The following FBXW11 variants were observed in gnomAD, a reference collection of about 807,000 sequenced individuals.
FBXW11 encodes the protein F-box and WD repeat domain containing 11, also known as F-box/WD repeat-containing protein 11.
Under a neutral mutation model 77.6 loss-of-function variants are expected in FBXW11, and 19 were observed. The observed-to-expected ratio is 0.24, with a 90% CI of 0.17 to 0.36. FBXW11 has a LOEUF of 0.36. Ranked by LOEUF, FBXW11 falls within the 10% of genes least tolerant of loss-of-function variation. FBXW11 has a pLI of 1.00. For synonymous variants in FBXW11, 235 were observed against 249.4 expected (o/e 0.94, Z 0.54); for missense variants, 334 against 704.2 (o/e 0.47, Z 5.95).
chr5:171,970,290 G>A (rs1456209224), intron 1 of FBXW11, among the ~76,000 whole-genome samples: 1 of 152,144 alleles, frequency 6.6e-6, no homozygotes, highest in Non-Finnish European at 1.5e-5. Flanking sequence ...TGAGTTCTCA[G>A]GAGATCTGAT....
chr5:171,973,088 AAGATCAC>A (rs1764623941), intron 1 of FBXW11, among the ~76,000 whole-genome samples: 1 of 152,242 alleles, frequency 6.6e-6, no homozygotes, highest in Non-Finnish European at 1.5e-5. Context: ...GCACAGTGGA[AAGATCAC>A]AGGTTTGTTT....
intron 3 of FBXW11, among the ~76,000 whole-genome samples, chr5:171,913,858 C>T (rs1371015293): frequency 6.6e-6 from 1 of 151,306 alleles, no homozygotes; most frequent in South Asian, 2.1e-4. Flanking sequence ...CACACACACA[C>T]ACACACACAC....
At chr5:171,930,373 G>A (rs1048074361) in intron 2 of FBXW11, among the ~76,000 whole-genome samples, 2 of 152,236 alleles carry the variant, frequency 1.3e-5, no homozygotes, top group Admixed American at 1.3e-4. Context: ...AACAAGGTAA[G>A]AATGTTCCCT....
At chr5:171,939,334 TG>T (rs1180678248) in intron 2 of FBXW11, among the ~76,000 whole-genome samples, 1 of 151,556 alleles carries the variant, frequency 6.6e-6, no homozygotes, top group Non-Finnish European at 1.5e-5. Context: ...TGGAAGAGGG[TG>T]AAAACCCACC....
intron 2 of FBXW11, among the ~76,000 whole-genome samples, chr5:171,938,440 G>A (rs568571683): frequency 2.0e-5 from 3 of 152,260 alleles, no homozygotes; most frequent in East Asian, 1.9e-4. Flanking sequence ...TTAAAGAGAT[G>A]CAAATTAAAG....
chr5:171,993,259 C>A (rs1489001527), intron 1 of FBXW11, among the ~76,000 whole-genome samples: 1 of 152,038 alleles, frequency 6.6e-6, no homozygotes, highest in Non-Finnish European at 1.5e-5. Flanking sequence ...GTCTCTCTGA[C>A]TTGTTTGAAA....
chr5:171,982,745 G>A (rs753149176), intron 1 of FBXW11, among the ~76,000 whole-genome samples: 5 of 152,038 alleles, frequency 3.3e-5, no homozygotes, highest in Non-Finnish European at 7.4e-5. Flanking sequence ...ACAGTGTTTT[G>A]TTATAATGTT....
intron 6 of FBXW11, among the ~76,000 whole-genome samples, chr5:171,893,083 G>A (rs1759467022): frequency 6.6e-6 from 1 of 152,104 alleles, no homozygotes; most frequent in South Asian, 2.1e-4. Flanking sequence ...TGACTCTGAA[G>A]CAGGAATCAT....
At chr5:171,900,633 A>G (rs1250224353) in intron 4 of FBXW11, among the ~76,000 whole-genome samples, 2 of 152,198 alleles carry the variant, frequency 1.3e-5, no homozygotes, top group East Asian at 3.9e-4. Context: ...AAGGCAAAAC[A>G]CCGACTCATC....
intron 1 of FBXW11, among the ~76,000 whole-genome samples, chr5:171,989,820 T>G (rs2113547961): frequency 6.6e-6 from 1 of 152,324 alleles, no homozygotes; most frequent in African/African-American, 2.4e-5. Context: ...AATTGATGCT[T>G]GATATTATAT....
intron 13 of FBXW11, 68 bp from the exon 14 acceptor site, chr5:171,864,169 C>T (rs1757240089): frequency 6.6e-6 from 1 of 152,298 alleles, no homozygotes; most frequent in Admixed American, 6.5e-5. Flanking sequence ...AATACACACA[C>T]TCCACTCCAC....
intron 1 of FBXW11, among the ~76,000 whole-genome samples, chr5:171,984,598 T>C (rs951241217): frequency 2.6e-5 from 4 of 152,202 alleles, no homozygotes; most frequent in African/African-American, 9.6e-5. Context: ...TAGATGATCA[T>C]AATATGGTAT....
At chr5:171,872,836 T>C (rs975926806) in intron 10 of FBXW11, 36 bp downstream of exon 10, 12 of 1,515,802 alleles carry the variant, frequency 7.9e-6, no homozygotes, top group Non-Finnish European at 1.1e-5. Flanking sequence ...GTGGCAAAAA[T>C]CAGCCTGCTC....
At chr5:171,970,753 T>A (rs956394402) in intron 1 of FBXW11, among the ~76,000 whole-genome samples, 2 of 152,226 alleles carry the variant, frequency 1.3e-5, no homozygotes, top group Non-Finnish European at 2.9e-5. Flanking sequence ...GATAATAAAG[T>A]GGCACATTTT....
intron 2 of FBXW11, among the ~76,000 whole-genome samples, chr5:171,953,089 C>T (rs1763430350): frequency 6.6e-6 from 1 of 152,154 alleles, no homozygotes; most frequent in Admixed American, 6.5e-5. Flanking sequence ...CCAACCTCAG[C>T]TCCCAGAGTA....
intron 1 of FBXW11, among the ~76,000 whole-genome samples, chr5:171,980,328 A>C (rs1050338293): frequency 3.3e-5 from 5 of 152,222 alleles, no homozygotes; most frequent in African/African-American, 1.2e-4. Context: ...AGACCTTAAA[A>C]TTTATCAAAC....
At chr5:171,928,062 C>A (rs1234793787) in intron 2 of FBXW11, among the ~76,000 whole-genome samples, 3 of 152,076 alleles carry the variant, frequency 2.0e-5, no homozygotes, top group African/African-American at 7.2e-5. Context: ...AATTCTCAAA[C>A]CTTCACTACA....
At chr5:171,967,883 T>TATATATATATATATACACACACACAC (rs1244744249) in intron 1 of FBXW11, among the ~76,000 whole-genome samples, 1 of 74,978 alleles carries the variant, frequency 1.3e-5, no homozygotes, top group African/African-American at 5.9e-5. Context: ...TATATATATA[T>TATATATATATATATACACACACACAC]ACACACACAC....
chr5:171,900,040 C>T lies in FBXW11; in HGVS notation c.497G>A (p.Cys166Tyr). The stretch of plus-strand genomic sequence containing the variant: ...TTCTTTACATACCAGCTCTGCTGCA[C>T]ACAGAGACCTGGCATCCAGGTACGA... ...ILSYLDARSLCAAELVCKEWQ... is the reference protein window; with the variant it reads ...ILSYLDARSLYAAELVCKEWQ... Residue 166 changes from cysteine (C) to tyrosine (Y), a missense_variant, in exon 5 of 14, where the codon TGT (cysteine) becomes TAT (tyrosine). Physicochemically the swap from Cys to Tyr is radical, Grantham distance 194. Coordinates refer to ENST00000517395, the MANE Select transcript of FBXW11 (RefSeq NM_001378974.1). 1.2e-6 allele frequency: 2 copies of T among 1,613,694 alleles called. No individual in the cohort carries two copies. The highest frequency in any genetic ancestry group is 4.5e-5 in the East Asian group (2 of 44,878).
Sources: allele counts gnomAD v4.1 joint callset (sites outside exome capture counted in the v4.1 genomes callset), GRCh38; gene constraint gnomAD v4.1.1; transcripts MANE v1.5; gene names NCBI Gene and HGNC (gene_info 2026-07-23, HGNC 2026-07-21).